The following EDEM3 variants were observed in gnomAD, a reference collection of about 807,000 sequenced individuals.
EDEM3 encodes the protein ER degradation enhancing alpha-mannosidase like protein 3, also known as ER degradation-enhancing alpha-mannosidase-like protein 3.
Under a neutral mutation model 110.2 loss-of-function variants are expected in EDEM3, and 60 were observed. The ratio of observed to expected loss-of-function variants is 0.54; its 90% CI spans 0.44 to 0.67. The LOEUF (loss-of-function observed/expected upper bound fraction) is 0.67. Ranked by LOEUF, EDEM3 falls within the 30% of genes least tolerant of loss-of-function variation. The probability of loss-of-function intolerance (pLI) is 0.00; values close to 1 mark genes in which losing one functional copy is unlikely to be tolerated. For synonymous variants in EDEM3, 352 were observed against 382.9 expected (o/e 0.92, Z 0.94); for missense variants, 996 against 1,121.0 (o/e 0.89, Z 1.59).
At chr1:184,703,037 C>A in intron 18 of EDEM3, 41 bp from the exon 19 acceptor site, 1 of 1,482,134 alleles carries the variant, frequency 6.7e-7, no homozygotes, top group South Asian at 1.3e-5. Flanking sequence ...AAATATCCAG[C>A]CATTAAAAAG....
rs1468658501 is a variant in EDEM3, at chr1:184,693,451, AG to A, written c.*611del. The A allele has an allele frequency of 6.6e-6, 1 of 152,566 alleles. No individual in the cohort carries two copies. Among genetic ancestry groups the A allele is most frequent in the Non-Finnish European group, 1.5e-5 (1 of 68,060 alleles). 9.5% of individuals were successfully genotyped at this position (152,566 alleles called of 1,614,324 possible). A position where few individuals can be genotyped will look rare whatever the true frequency, so the allele number is the denominator to read the frequency against. On this transcript the variant is annotated 3_prime_UTR_variant, in exon 20 of 20. Transcript: ENST00000318130. Reference sequence around the variant, plus strand: ...GCTTCACCTTTGGTTTAAATAAAAAAGACATTGTTAAGAAGGAAAAAAAATC... The same window carrying A: ...GCTTCACCTTTGGTTTAAATAAAAAAACATTGTTAAGAAGGAAAAAAAATC...
intron 6 of EDEM3, among the ~76,000 whole-genome samples, chr1:184,726,744 G>T (rs1379147309): frequency 6.6e-6 from 1 of 152,110 alleles, no homozygotes; most frequent in Non-Finnish European, 1.5e-5. Flanking sequence ...GAACTAGTAA[G>T]TACAAGAATA....
rs78677320 is a variant in EDEM3, at chr1:184,707,702, G to A, written c.2037+451C>T. Among the ~76,000 whole-genome samples, 435 of 152,272 alleles carry A rather than the reference G, an allele frequency of 2.9e-3. 5 individuals carry two copies. In the East Asian group the frequency reaches 0.036, roughly 13 times the overall value. On this transcript the variant is annotated intron_variant, in intron 17 of 19. Coordinates refer to ENST00000318130, the MANE Select transcript of EDEM3 (RefSeq NM_025191.4). ...TTATAACTATGTTACAACTATAGAG[G>A]ATGGACTAGCTAAATGATCTTCAAA...
At chr1:184,712,278 C>T (rs1223987449) in intron 14 of EDEM3, among the ~76,000 whole-genome samples, 155 bp downstream of exon 14, 2 of 151,696 alleles carry the variant, frequency 1.3e-5, no homozygotes, top group African/African-American at 4.9e-5. Flanking sequence ...TAAGTGTATA[C>T]AGGATGCAAT....
intron 6 of EDEM3, among the ~76,000 whole-genome samples, chr1:184,732,171 A>AT (rs1261788951): frequency 6.6e-6 from 1 of 151,466 alleles, no homozygotes; most frequent in Non-Finnish European, 1.5e-5. Context: ...GGGAGACTCC[A>AT]TTCCCCCCCA....
chr1:184,723,917 G>C, intron 7 of EDEM3, 61 bp from the exon 8 acceptor site: 1 of 1,260,706 alleles, frequency 7.9e-7, no homozygotes, highest in Non-Finnish European at 1.1e-6. Flanking sequence ...AAGTCTCTTT[G>C]GCAAATAGGA....
In EDEM3 at chr1:184,693,973, T is replaced by C. The variant is rs1368676537; in HGVS notation, c.*90A>G. 2 of 1,378,216 alleles carry C rather than the reference T, an allele frequency of 1.5e-6. No homozygotes were observed. The highest frequency in any genetic ancestry group is 2.3e-5 in the Admixed American group (1 of 43,824). 85.4% of individuals were successfully genotyped at this position (1,378,216 alleles called of 1,614,324 possible). ...TCATCACCATACTTAAAGCCTCCCA[T>C]TAGAAAGCCTGCTTAGTATTAGGAT... is the stretch of plus-strand genomic sequence containing the variant. On this transcript the variant is annotated 3_prime_UTR_variant, in exon 20 of 20. Coordinates refer to ENST00000318130, the MANE Select transcript of EDEM3 (RefSeq NM_025191.4).
intron 5 of EDEM3, among the ~76,000 whole-genome samples, chr1:184,734,206 C>T (rs890250212): frequency 1.5e-5 from 2 of 134,256 alleles, no homozygotes; most frequent in Admixed American, 1.5e-4. Flanking sequence ...TGGTGGCTCA[C>T]GCCTGTAATC....
At chr1:184,724,949 T>C (rs1651109491) in intron 7 of EDEM3, among the ~76,000 whole-genome samples, 2 of 152,152 alleles carry the variant, frequency 1.3e-5, no homozygotes, top group South Asian at 4.1e-4. Flanking sequence ...TTAAGCGCTA[T>C]GGGTCACACA....
At chr1:184,724,901 A>G (rs1651106697) in intron 7 of EDEM3, among the ~76,000 whole-genome samples, 1 of 152,208 alleles carries the variant, frequency 6.6e-6, no homozygotes, top group Non-Finnish European at 1.5e-5. Context: ...ATATTAGACC[A>G]AGGGTCAGCA....
chr1:184,735,749 T>C (rs12067111), intron 4 of EDEM3, among the ~76,000 whole-genome samples: 11,535 of 152,230 alleles, frequency 0.076, 507 homozygotes, highest in African/African-American at 0.12. Flanking sequence ...AAGTGGGCAG[T>C]AATAAATGCA....
intron 18 of EDEM3, 78 bp downstream of exon 18, chr1:184,706,565 A>C: frequency 7.3e-7 from 1 of 1,362,122 alleles, no homozygotes; most frequent in East Asian, 2.4e-5. Context: ...CTTTGATAAA[A>C]TTTTAGAAAA....
chr1:184,740,491 C>T (rs1652076753), intron 2 of EDEM3, among the ~76,000 whole-genome samples: 1 of 152,176 alleles, frequency 6.6e-6, no homozygotes, highest in African/African-American at 2.4e-5. Flanking sequence ...ATAACATGCT[C>T]ATCATGATCA....
intron 18 of EDEM3, 129 bp from the exon 19 acceptor site, chr1:184,703,125 A>G (rs1056436363): frequency 7.8e-6 from 6 of 770,820 alleles, no homozygotes; most frequent in African/African-American, 7.3e-5. Flanking sequence ...AAACCAACAT[A>G]ATTTTTGGAC....
chr1:184,732,363 GA>G (rs1378785216), intron 6 of EDEM3, among the ~76,000 whole-genome samples: 3 of 152,142 alleles, frequency 2.0e-5, no homozygotes, highest in Non-Finnish European at 4.4e-5. Flanking sequence ...AACGGGTATA[GA>G]AACAGGTTAG....
At chr1:184,729,953 T>G (rs908093939) in intron 6 of EDEM3, among the ~76,000 whole-genome samples, 2 of 152,178 alleles carry the variant, frequency 1.3e-5, no homozygotes, top group Non-Finnish European at 2.9e-5. Flanking sequence ...AAGTAAATGT[T>G]TATATATTGT....
At chr1:184,741,935 A>G (rs987884762) in intron 2 of EDEM3, among the ~76,000 whole-genome samples, 11 of 152,142 alleles carry the variant, frequency 7.2e-5, no homozygotes, top group African/African-American at 2.7e-4. Context: ...AGTTTCTAAG[A>G]CTAGAGTGGT....
At chr1:184,719,110 G>A (rs1434991558) in intron 11 of EDEM3, 52 bp downstream of exon 11, 1 of 1,027,522 alleles carries the variant, frequency 9.7e-7, no homozygotes, top group Non-Finnish European at 1.4e-6. Context: ...GTACGTGTGT[G>A]TGTGTGTGTG....
intron 5 of EDEM3, 25 bp from the exon 6 acceptor site, chr1:184,733,015 AT>A: frequency 6.2e-7 from 1 of 1,609,628 alleles, no homozygotes; most frequent in South Asian, 1.1e-5. Context: ...ATGAAACATT[AT>A]CCATATCTTA....
Sources: gnomAD v4.1 joint callset for allele counts (sites outside exome capture counted in the v4.1 genomes callset) on GRCh38, gnomAD v4.1.1 for gene constraint, MANE v1.5 for transcripts, NCBI Gene and HGNC (gene_info 2026-07-23, HGNC 2026-07-21) for gene names.